Variants in KIRREL3 observed in about 807,000 individuals in gnomAD.
The protein encoded by KIRREL3 is kin of IRRE-like protein 3.
KIRREL3 carries 36 observed loss-of-function variants against 89.7 expected under a neutral mutation model. The ratio of observed to expected loss-of-function variants is 0.40; its 90% CI spans 0.31 to 0.53. The LOEUF (loss-of-function observed/expected upper bound fraction) is 0.53, where lower values mean the gene tolerates loss of function less well. Ranked by LOEUF, KIRREL3 falls within the 20% of genes least tolerant of loss-of-function variation. KIRREL3 has a pLI of 0.49. For synonymous variants in KIRREL3, 445 were observed against 441.4 expected (o/e 1.01, Z -0.10); for missense variants, 864 against 1,056.6 (o/e 0.82, Z 2.53).
rs534581467 is a variant in KIRREL3, at chr11:126,450,394, TATGTGTGAGTGTGTGC to T, written c.849-1253_849-1238del. 7.7e-4 allele frequency among the ~76,000 whole-genome samples: 113 copies of T among 147,516 alleles called. 1 individual carries two copies. The highest frequency in any genetic ancestry group is 2.9e-3 in the Admixed American group (43 of 14,830). On this transcript the variant is annotated intron_variant, in intron 7 of 16. Transcript: ENST00000525144. ...GTGAGTGTGCATGTGTGAGTGTGGG[TATGTGTGAGTGTGTGC>T]ATGTGTGAGTGGGCATGTATGTGTC... is the stretch of plus-strand genomic sequence containing the variant.
intron 4 of KIRREL3, among the ~76,000 whole-genome samples, chr11:126,504,432 A>G (rs565696367): frequency 2.1e-4 from 32 of 152,246 alleles, no homozygotes; most frequent in Non-Finnish European, 4.4e-4. Context: ...TAAGATCCAC[A>G]GCTGACTTCG....
Position 126,673,762 on chromosome 11 carries a change from C to G in KIRREL3, c.56-110850G>C, listed in dbSNP as rs185556264. 4.5e-4 allele frequency among the ~76,000 whole-genome samples: 69 copies of G among 152,330 alleles called. 1 individual carries two copies. The highest frequency in any genetic ancestry group is 1.4e-3 in the African/African-American group (60 of 41,590). On this transcript the variant is annotated intron_variant, in intron 1 of 16. Coordinates refer to ENST00000525144, the MANE Select transcript of KIRREL3 (RefSeq NM_032531.4). Reference sequence around the variant, plus strand: ...GTTGGGTCTGTAAGATCTTCCTCCACTGAGAAATGTATTAATCCTTGCCCT... The same window carrying G: ...GTTGGGTCTGTAAGATCTTCCTCCAGTGAGAAATGTATTAATCCTTGCCCT...
chr11:126,444,872 C>G lies in KIRREL3; in HGVS notation c.1252+107G>C, dbSNP rs368291710. On this transcript the variant is annotated intron_variant, in intron 10 of 16. Coordinates refer to ENST00000525144, the MANE Select transcript of KIRREL3 (RefSeq NM_032531.4). ...GTCTACCCATAGTTGGAGGTGACAG[C>G]AAGGCCCAGAGCCAGCGACAGCTCC... is the stretch of plus-strand genomic sequence containing the variant. 2.0e-5 allele frequency: 30 copies of G among 1,465,502 alleles called. 1 individual carries two copies. The African/African-American group carries it at 3.1e-4, about 15-fold the overall frequency. 90.8% of individuals were successfully genotyped at this position (1,465,502 alleles called of 1,614,324 possible).
chr11:126,603,551 C>A (rs1440339714), intron 1 of KIRREL3, among the ~76,000 whole-genome samples: 1 of 152,258 alleles, frequency 6.6e-6, no homozygotes, highest in Non-Finnish European at 1.5e-5. Flanking sequence ...CTGGTCCTCA[C>A]CTCCTGACCC....
At chr11:126,586,610 A>G (rs1941871580) in intron 1 of KIRREL3, among the ~76,000 whole-genome samples, 1 of 152,150 alleles carries the variant, frequency 6.6e-6, no homozygotes, top group Non-Finnish European at 1.5e-5. Context: ...TAAATTATAC[A>G]TAGCAGAAGT....
intron 1 of KIRREL3, among the ~76,000 whole-genome samples, chr11:126,889,372 A>G (rs973317232): frequency 2.6e-5 from 4 of 152,220 alleles, no homozygotes; most frequent in African/African-American, 9.6e-5. Context: ...TTACATTGAC[A>G]TTCGTCATCA....
At chr11:126,751,895 G>C (rs1015748264) in intron 1 of KIRREL3, among the ~76,000 whole-genome samples, 19 of 152,132 alleles carry the variant, frequency 1.2e-4, no homozygotes, top group African/African-American at 4.6e-4. Flanking sequence ...TAGAGATGGG[G>C]TTTTGCTATG....
chr11:126,801,209 T>C (rs1432009556), intron 1 of KIRREL3, among the ~76,000 whole-genome samples: 1 of 152,210 alleles, frequency 6.6e-6, no homozygotes, highest in Non-Finnish European at 1.5e-5. Flanking sequence ...AAAATATTTC[T>C]TAAATACACT....
rs557031194 is a variant in KIRREL3, at chr11:126,569,096, T to C, written c.56-6184A>G. Among the ~76,000 whole-genome samples the C allele has an allele frequency of 6.6e-6, 1 of 151,754 alleles. No homozygotes were observed. Among genetic ancestry groups the C allele is most frequent in the East Asian group, 2.0e-4 (1 of 5,104 alleles). ...GAGACAGTGGTGCTAAGTGACAGAG[T>C]GGGTCAAGCAGAGGAAGAGGGCAAG... On this transcript the variant is annotated intron_variant, in intron 1 of 16. Transcript: ENST00000525144. This position sits in a 1 kb window ranked among gnomAD's most constrained non-coding sequence, Gnocchi z 6.5.
chr11:126,923,227 T>G (rs1450795220), intron 1 of KIRREL3, among the ~76,000 whole-genome samples: 1 of 39,764 alleles, frequency 2.5e-5, no homozygotes, highest in Non-Finnish European at 5.2e-5. Flanking sequence ...TTCTTCTTCT[T>G]CTTCTTCTTC....
In KIRREL3 at chr11:126,736,849, C is replaced by A. The variant is rs555973803; in HGVS notation, c.56-173937G>T. On this transcript the variant is annotated intron_variant, in intron 1 of 16. Transcript: ENST00000525144. The surrounding 1 kb of genome is among the most constrained non-coding windows in gnomAD (Gnocchi z 5.0). ...CCATACATCCCCCACAGTCCTCCCC[C>A]ACCCTGTGCTGCCCAGGAAAAAGAG... Among the ~76,000 whole-genome samples, 5 of 152,194 alleles carry A rather than the reference C, an allele frequency of 3.3e-5. No homozygotes were observed. The highest frequency in any genetic ancestry group is 6.5e-5 in the Admixed American group (1 of 15,286).
chr11:126,535,704 G>A lies in KIRREL3; in HGVS notation c.134-9017C>T, dbSNP rs1937801145. Among the ~76,000 whole-genome samples, 1 of 152,220 alleles carries A rather than the reference G, an allele frequency of 6.6e-6. No individual in the cohort carries two copies. The highest frequency in any genetic ancestry group is 1.5e-5 in the Non-Finnish European group (1 of 68,046). ...CAAGCACTTAAGATTTTGGTTGAGG[G>A]CTGGGCCCGGTGGCTCACGCCTGTA... On this transcript the variant is annotated intron_variant, in intron 2 of 16. Transcript: ENST00000525144. This position sits in a 1 kb window ranked among gnomAD's most constrained non-coding sequence, Gnocchi z 4.5.
chr11:126,515,159 C>A lies in KIRREL3; in HGVS notation c.433+6156G>T, dbSNP rs748876094. Among the ~76,000 whole-genome samples, 6 of 152,192 alleles carry A rather than the reference C, an allele frequency of 3.9e-5. No individual in the cohort carries two copies. Among genetic ancestry groups the A allele is most frequent in the Non-Finnish European group, 1.5e-5 (1 of 68,044 alleles). The stretch of plus-strand genomic sequence containing the variant: ...TAAGGAGGCTGGGCGCGATGGCTCA[C>A]GCCTGTAATCTCAGCATTTTAGGAG... On this transcript the variant is annotated intron_variant, in intron 4 of 16. Coordinates refer to ENST00000525144, the MANE Select transcript of KIRREL3 (RefSeq NM_032531.4). The surrounding 1 kb of genome is among the most constrained non-coding windows in gnomAD (Gnocchi z 4.2).
rs1950038557 is a variant in KIRREL3, at chr11:126,772,157, C to G, written c.56-209245G>C. On this transcript the variant is annotated intron_variant, in intron 1 of 16. Transcript: ENST00000525144. The surrounding 1 kb of genome is among the most constrained non-coding windows in gnomAD (Gnocchi z 4.6). ...TCTGGTCTGTTCTAGATTCCTCAAC[C>G]TGAGCAGGTTCATATGGTTTTGCTG... Among the ~76,000 whole-genome samples, 1 of 152,212 alleles carries G rather than the reference C, an allele frequency of 6.6e-6. No homozygotes were observed.
rs1949308512 is a variant in KIRREL3 at position 126,750,784 on chromosome 11, A to C, written c.56-187872T>G. Among the ~76,000 whole-genome samples, 1 of 152,216 alleles carries C rather than the reference A, an allele frequency of 6.6e-6. No individual in the cohort carries two copies. Among genetic ancestry groups the C allele is most frequent in the African/African-American group, 2.4e-5 (1 of 41,462 alleles). On this transcript the variant is annotated intron_variant, in intron 1 of 16. Transcript: ENST00000525144. The surrounding 1 kb of genome is among the most constrained non-coding windows in gnomAD (Gnocchi z 4.2). ...TCACATGGATTGTCCAAGCTAACAA[A>C]TGGTAGTGCAAACGTTGGAACTCAG... is the stretch of plus-strand genomic sequence containing the variant.
rs929193010 is a variant in KIRREL3 at position 126,611,409 on chromosome 11, C to G, written c.56-48497G>C. On this transcript the variant is annotated intron_variant, in intron 1 of 16. Coordinates refer to ENST00000525144, the MANE Select transcript of KIRREL3 (RefSeq NM_032531.4). The surrounding 1 kb of genome is among the most constrained non-coding windows in gnomAD (Gnocchi z 4.7). ...AGGGTGGTCTTTCTGATTGATCCAT[C>G]AGTCTGCATTCTCCTTGCCGTCCTT... Among the ~76,000 whole-genome samples the G allele has an allele frequency of 3.3e-5, 5 of 152,144 alleles. No homozygotes were observed. Among genetic ancestry groups the G allele is most frequent in the Non-Finnish European group, 7.4e-5 (5 of 68,026 alleles).
chr11:126,988,788 G>C (rs1455586361), intron 1 of KIRREL3, among the ~76,000 whole-genome samples: 1 of 152,228 alleles, frequency 6.6e-6, no homozygotes, highest in Non-Finnish European at 1.5e-5. Flanking sequence ...AAACTCAGCA[G>C]TGGGCCTGGC....
rs1231641817 is a variant in KIRREL3 at position 126,890,733 on chromosome 11, T to C, written c.55+109722A>G. Among the ~76,000 whole-genome samples, 1 of 152,018 alleles carries C rather than the reference T, an allele frequency of 6.6e-6. No individual in the cohort carries two copies. Among genetic ancestry groups the C allele is most frequent in the Admixed American group, 6.6e-5 (1 of 15,254 alleles). On this transcript the variant is annotated intron_variant, in intron 1 of 16. Coordinates refer to ENST00000525144, the MANE Select transcript of KIRREL3 (RefSeq NM_032531.4). This position sits in a 1 kb window ranked among gnomAD's most constrained non-coding sequence, Gnocchi z 5.1. ...ACTCTACTGAAGCCACTAGGGTGAG[T>C]GAGAGAGTAGACGACTGCAAACATG...
At chr11:126,845,404 A>T (rs1284438413) in intron 1 of KIRREL3, among the ~76,000 whole-genome samples, 1 of 152,072 alleles carries the variant, frequency 6.6e-6, no homozygotes, top group East Asian at 1.9e-4. Flanking sequence ...CTCTGTTCAA[A>T]GTTTTTATTA....
Sources: allele counts gnomAD v4.1 joint callset (sites outside exome capture counted in the v4.1 genomes callset), GRCh38; gene constraint gnomAD v4.1.1; non-coding constraint Gnocchi (gnomAD v3.1); transcripts MANE v1.5; gene names NCBI Gene and HGNC (gene_info 2026-07-23, HGNC 2026-07-21).